CDK14: variants seen among roughly 807,000 people sequenced by gnomAD.
CDK14 encodes the protein cyclin dependent kinase 14, also known as cyclin-dependent kinase 14.
Under a neutral mutation model 60.7 loss-of-function variants are expected in CDK14, and 34 were observed. That is an observed-to-expected ratio of 0.56 (90% CI 0.43 to 0.75). CDK14 has a LOEUF of 0.75. Ranked by LOEUF, CDK14 falls within the 30% of genes least tolerant of loss-of-function variation. The pLI, the probability that CDK14 is intolerant of heterozygous loss-of-function variation, is 0.00. For missense variants in CDK14, 482 were observed against 564.1 expected, an observed-to-expected ratio of 0.85 and a Z score of 1.47; for synonymous variants, 197 against 203.7, an observed-to-expected ratio of 0.97 and a Z score of 0.28.
chr7:91,010,406 C>G (rs1796117430), intron 10 of CDK14, among the ~76,000 whole-genome samples: 1 of 151,996 alleles, frequency 6.6e-6, no homozygotes, highest in African/African-American at 2.4e-5. Context: ...CATAGTGTAT[C>G]TCTCAATGTA....
intron 2 of CDK14, among the ~76,000 whole-genome samples, chr7:90,650,964 T>A (rs1156787308): frequency 3.3e-5 from 5 of 152,158 alleles, no homozygotes. Flanking sequence ...CCATATGAAA[T>A]TTAAAGTAGT....
intron 11 of CDK14, among the ~76,000 whole-genome samples, chr7:91,059,560 C>T (rs567488904): frequency 4.3e-5 from 6 of 139,740 alleles, no homozygotes; most frequent in Admixed American, 1.5e-4. Flanking sequence ...AAATTTCCCT[C>T]TACACACTGC....
intron 3 of CDK14, among the ~76,000 whole-genome samples, chr7:90,733,888 A>G (rs968424790): frequency 2.0e-5 from 3 of 152,138 alleles, no homozygotes; most frequent in African/African-American, 7.2e-5. Flanking sequence ...TAGTTGATGC[A>G]GTTTCTTCAT....
At chr7:90,614,154 G>A (rs904114265) in intron 2 of CDK14, among the ~76,000 whole-genome samples, 2 of 151,948 alleles carry the variant, frequency 1.3e-5, no homozygotes, top group African/African-American at 4.8e-5. Flanking sequence ...TTACAGGCAT[G>A]CGCCACCTGC....
chr7:90,963,121 G>GTGTGTGTGTGTGTGTGTGTGTT lies in CDK14; in HGVS notation c.947+7307_947+7308insGTGTGTGTGTGTGTGTGTTTGT, dbSNP rs1267435147. Among the ~76,000 whole-genome samples the GTGTGTGTGTGTGTGTGTGTGTT allele has an allele frequency of 8.4e-5, 12 of 142,338 alleles. No individual in the cohort carries two copies. The East Asian group carries it at 2.2e-3, about 26-fold the overall frequency. The allele number at this position is 142,338 out of a possible 152,430, so 93.4% of individuals were successfully genotyped here. A position where few individuals can be genotyped will look rare whatever the true frequency, so the allele number is the denominator to read the frequency against. On this transcript the variant is annotated intron_variant, in intron 9 of 14. Transcript: ENST00000380050. ...TGTGTGTGTGTGTGTGTGTGTGTGTGTGTTTTAATTTAGAAATATATAGGC... is the reference window on the plus strand; with the variant it reads ...TGTGTGTGTGTGTGTGTGTGTGTGTGTGTGTGTGTGTGTGTGTGTGTTTGTTTTAATTTAGAAATATATAGGC...
chr7:90,956,988 C>T (rs1429315288), intron 9 of CDK14, among the ~76,000 whole-genome samples: 1 of 150,946 alleles, frequency 6.6e-6, no homozygotes, highest in African/African-American at 2.4e-5. Flanking sequence ...TGTATATGTG[C>T]CACATTTTCT....
chr7:90,890,098 C>T, intron 6 of CDK14, among the ~76,000 whole-genome samples: 1 of 152,216 alleles, frequency 6.6e-6, no homozygotes, highest in East Asian at 1.9e-4. Context: ...CTAGGCCAGG[C>T]ATGATGGCCC....
chr7:90,745,438 T>G (rs1255043527), intron 3 of CDK14, among the ~76,000 whole-genome samples: 1 of 152,236 alleles, frequency 6.6e-6, no homozygotes, highest in Non-Finnish European at 1.5e-5. Context: ...TCTATTTAGA[T>G]GTAACCTCTC....
intron 3 of CDK14, among the ~76,000 whole-genome samples, chr7:90,736,481 G>A (rs532843898): frequency 6.7e-6 from 1 of 148,200 alleles, no homozygotes; most frequent in East Asian, 2.1e-4. Context: ...GTAAAGATTT[G>A]ATCAGTTAAT....
At chr7:91,149,869 A>G (rs1057164977) in intron 14 of CDK14, among the ~76,000 whole-genome samples, 1 of 152,028 alleles carries the variant, frequency 6.6e-6, no homozygotes, top group Non-Finnish European at 1.5e-5. Flanking sequence ...ATCTGTAGTG[A>G]TGGGGGAAAA....
At chr7:91,138,251 CTTAT>C (rs1800344617) in intron 14 of CDK14, among the ~76,000 whole-genome samples, 1 of 152,110 alleles carries the variant, frequency 6.6e-6, no homozygotes, top group African/African-American at 2.4e-5. Flanking sequence ...ATTACTTTCT[CTTAT>C]TTATTTTTGT....
At chr7:91,112,709 G>T in intron 13 of CDK14, 28 bp downstream of exon 13, 1 of 1,609,216 alleles carries the variant, frequency 6.2e-7, no homozygotes, top group South Asian at 1.1e-5. Flanking sequence ...ACAACATCCA[G>T]TCCAAGCAGA....
intron 14 of CDK14, among the ~76,000 whole-genome samples, chr7:91,136,092 T>G (rs1394034296): frequency 4.6e-5 from 7 of 152,216 alleles, no homozygotes; most frequent in African/African-American, 1.7e-4. Context: ...TAGCATTTTC[T>G]GATACAAAGT....
At chr7:90,957,759 T>A (rs1794474138) in intron 9 of CDK14, among the ~76,000 whole-genome samples, 1 of 151,790 alleles carries the variant, frequency 6.6e-6, no homozygotes, top group African/African-American at 2.4e-5. Flanking sequence ...ATCAATATCG[T>A]GAAAATGGCC....
intron 2 of CDK14, among the ~76,000 whole-genome samples, chr7:90,640,248 A>G (rs1013787682): frequency 6.6e-5 from 10 of 152,082 alleles, no homozygotes; most frequent in Admixed American, 3.3e-4. Flanking sequence ...AGCTGTTCCT[A>G]TTCGGCCATC....
intron 14 of CDK14, among the ~76,000 whole-genome samples, chr7:91,135,166 A>C (rs944906064): frequency 6.6e-6 from 1 of 151,520 alleles, no homozygotes; most frequent in Non-Finnish European, 1.5e-5. Context: ...TCATCTCTTT[A>C]CTTGATATGT....
chr7:91,129,281 ACACTCTAAAC>A (rs1800049749), intron 14 of CDK14, among the ~76,000 whole-genome samples: 1 of 152,228 alleles, frequency 6.6e-6, no homozygotes, highest in African/African-American at 2.4e-5. Flanking sequence ...CAAAGCAGTG[ACACTCTAAAC>A]TGTATTCCTG....
At chr7:90,841,352 C>G (rs907271262) in intron 5 of CDK14, among the ~76,000 whole-genome samples, 2 of 151,858 alleles carry the variant, frequency 1.3e-5, no homozygotes, top group African/African-American at 2.4e-5. Flanking sequence ...AATATAGCCT[C>G]CTATGTTAAT....
intron 6 of CDK14, among the ~76,000 whole-genome samples, chr7:90,889,813 C>T (rs1170137079): frequency 1.3e-5 from 2 of 152,110 alleles, no homozygotes; most frequent in Admixed American, 6.6e-5. Context: ...TTGAGAATAA[C>T]ATATCTGAGT....
Sources: allele counts gnomAD v4.1 joint callset (sites outside exome capture counted in the v4.1 genomes callset), GRCh38; gene constraint gnomAD v4.1.1; transcripts MANE v1.5; gene names NCBI Gene and HGNC (gene_info 2026-07-23, HGNC 2026-07-21).